Variants in HSPA12A observed in about 807,000 individuals in gnomAD.
HSPA12A encodes heat shock protein family A (Hsp70) member 12A, also known as heat shock 70 kDa protein 12A.
HSPA12A carries 28 observed loss-of-function variants against 69.2 expected under a neutral mutation model. That is an observed-to-expected ratio of 0.40 (90% confidence interval 0.30 to 0.55). The LOEUF is 0.55. Ranked by LOEUF, HSPA12A falls within the 20% of genes least tolerant of loss-of-function variation. The pLI, the probability that HSPA12A is intolerant of heterozygous loss-of-function variation, is 0.38. For missense variants in HSPA12A, 686 were observed against 900.7 expected, an observed-to-expected ratio of 0.76 and a Z score of 3.05; for synonymous variants, 345 against 370.5, an observed-to-expected ratio of 0.93 and a Z score of 0.79.
chr10:116,696,585 C>T (rs567284744), intron 5 of HSPA12A, among the ~76,000 whole-genome samples: 3 of 152,236 alleles, frequency 2.0e-5, no homozygotes, highest in South Asian at 2.1e-4. Context: ...ATCTCAGGTA[C>T]GTCTTTATTA....
chr10:116,775,505 A>C (rs2133125722), intron 2 of HSPA12A, among the ~76,000 whole-genome samples: 1 of 152,256 alleles, frequency 6.6e-6, no homozygotes, highest in Middle Eastern at 3.4e-3. Context: ...TTGACCGTGA[A>C]GTTTGTTTCC....
intron 1 of HSPA12A, among the ~76,000 whole-genome samples, chr10:116,843,917 G>A (rs1806553724): frequency 6.6e-6 from 1 of 152,190 alleles, no homozygotes; most frequent in Admixed American, 6.5e-5. Context: ...GATTCTAGTA[G>A]AAGCTAATAG....
intron 1 of HSPA12A, among the ~76,000 whole-genome samples, chr10:116,837,994 T>C (rs1845745387): frequency 6.6e-6 from 1 of 152,120 alleles, no homozygotes; most frequent in Non-Finnish European, 1.5e-5. Flanking sequence ...TTTGATAATA[T>C]AGAACTAAAT....
intron 7 of HSPA12A, among the ~76,000 whole-genome samples, chr10:116,682,873 T>C (rs1849458774): frequency 6.9e-6 from 1 of 145,974 alleles, no homozygotes; most frequent in African/African-American, 2.6e-5. Context: ...GCTAATTTTT[T>C]TTTTTTTTTT....
intron 2 of HSPA12A, chr10:116,750,431 C>A: frequency 1.6e-6 from 1 of 614,890 alleles, no homozygotes; most frequent in Non-Finnish European, 3.0e-6. Flanking sequence ...TCATGGTACC[C>A]AATGATTCCC....
chr10:116,672,102 A>G lies in HSPA12A; in HGVS notation c.*2679T>C, dbSNP rs1849100895. ...TAATGCAAGGCAGGAAAGGCTTTAC[A>G]TTAGCCCAAAAAAGAGGGGCTTGAC... On this transcript the variant is annotated 3_prime_UTR_variant, in exon 12 of 12. Transcript: ENST00000369209. The G allele has an allele frequency of 6.6e-6, 1 of 152,270 alleles. No homozygotes were observed. The highest frequency in any genetic ancestry group is 1.5e-5 in the Non-Finnish European group (1 of 68,056). The allele number at this position is 152,270 out of a possible 1,614,324, so 9.4% of individuals were successfully genotyped here. A position where few individuals can be genotyped will look rare whatever the true frequency, so the allele number is the denominator to read the frequency against.
rs189698384 is a variant in HSPA12A, at chr10:116,800,763, G to A, written c.91+34172C>T. Among the ~76,000 whole-genome samples the A allele has an allele frequency of 1.8e-3, 271 of 152,314 alleles. 3 individuals carry two copies. Among genetic ancestry groups the A allele is most frequent in the Admixed American group, 0.017 (257 of 15,302 alleles). The stretch of plus-strand genomic sequence containing the variant: ...ATGTCTGTCACCTGACAGGTCTCAA[G>A]TCTATACTAACCCCTTCTCCATTCA... On this transcript the variant is annotated intron_variant, in intron 2 of 12. Coordinates refer to the HSPA12A transcript ENST00000635765.
intron 3 of HSPA12A, among the ~76,000 whole-genome samples, chr10:116,701,499 A>G (rs543980855): frequency 3.3e-5 from 5 of 152,256 alleles, no homozygotes; most frequent in Admixed American, 6.5e-5. Context: ...TAGCAGATAT[A>G]CTGCTAGCTT....
chr10:116,789,085 C>T (rs1000585855), intron 2 of HSPA12A, among the ~76,000 whole-genome samples: 2 of 152,024 alleles, frequency 1.3e-5, no homozygotes, highest in South Asian at 4.2e-4. Context: ...AGGCTGCTCT[C>T]GAACTCCTGA....
At chr10:116,722,089 T>G (rs1399147704) in intron 1 of HSPA12A, among the ~76,000 whole-genome samples, 2 of 152,240 alleles carry the variant, frequency 1.3e-5, no homozygotes, top group Non-Finnish European at 2.9e-5. Flanking sequence ...CACAGACCTG[T>G]CCCTCCCAGG....
intron 1 of HSPA12A, among the ~76,000 whole-genome samples, chr10:116,709,211 C>T (rs1850349979): frequency 6.6e-6 from 1 of 152,158 alleles, no homozygotes; most frequent in Non-Finnish European, 1.5e-5. Flanking sequence ...CTTTGGGAGG[C>T]CAAGGTGGGC....
At position 116,707,161 on chromosome 10, in the gene HSPA12A, A is replaced by G. The variant is rs541622835; in HGVS notation, c.126+39T>C. On this transcript the variant is annotated intron_variant, in intron 2 of 11. Coordinates refer to ENST00000369209, the MANE Select transcript of HSPA12A (RefSeq NM_025015.3). ...CATGCGCACCCATGCGCGCACACACACACACACACACACACACACACACAC... is the reference window on the plus strand; with the variant it reads ...CATGCGCACCCATGCGCGCACACACGCACACACACACACACACACACACAC... The G allele has an allele frequency of 7.7e-4, 889 of 1,159,320 alleles. 2 individuals carry two copies. In the East Asian group the frequency reaches 7.8e-3, roughly 10 times the overall value. 71.8% of individuals were successfully genotyped at this position (1,159,320 alleles called of 1,614,324 possible).
intron 1 of HSPA12A, among the ~76,000 whole-genome samples, chr10:116,837,607 T>C (rs1247095264): frequency 6.6e-6 from 1 of 152,168 alleles, no homozygotes; most frequent in East Asian, 1.9e-4. Context: ...ACAACTTCCA[T>C]AGCTGAACAT....
intron 5 of HSPA12A, among the ~76,000 whole-genome samples, chr10:116,694,197 T>G (rs575105347): frequency 1.3e-5 from 2 of 152,304 alleles, no homozygotes; most frequent in South Asian, 4.1e-4. Context: ...CCATCTCATG[T>G]GTCAGGCACT....
At chr10:116,695,575 G>A (rs1162723902) in intron 5 of HSPA12A, among the ~76,000 whole-genome samples, 3 of 152,134 alleles carry the variant, frequency 2.0e-5, no homozygotes. Flanking sequence ...CCAGCACTTT[G>A]GGAGGCCGAG....
intron 1 of HSPA12A, among the ~76,000 whole-genome samples, chr10:116,720,188 T>C (rs918278987): frequency 6.6e-6 from 1 of 152,184 alleles, no homozygotes; most frequent in African/African-American, 2.4e-5. Flanking sequence ...GAAGTGCCCC[T>C]GTCCCCCTGC....
intron 2 of HSPA12A, among the ~76,000 whole-genome samples, chr10:116,787,796 C>G (rs1190147216): frequency 6.6e-6 from 1 of 152,134 alleles, no homozygotes; most frequent in Non-Finnish European, 1.5e-5. Context: ...TGCCTGGCAG[C>G]CGCTTGGCAC....
chr10:116,773,862 C>G (rs957438003), intron 2 of HSPA12A, among the ~76,000 whole-genome samples: 2 of 152,130 alleles, frequency 1.3e-5, no homozygotes, highest in South Asian at 2.1e-4. Flanking sequence ...ATCATGGTGA[C>G]GGGGTGGAGG....
intron 1 of HSPA12A, among the ~76,000 whole-genome samples, chr10:116,736,142 C>T (rs1554886405): frequency 6.6e-6 from 1 of 152,112 alleles, no homozygotes; most frequent in Non-Finnish European, 1.5e-5. Context: ...GCTTGGGAGC[C>T]AATAAACCTT....
Sources: gnomAD v4.1 joint callset for allele counts (sites outside exome capture counted in the v4.1 genomes callset) on GRCh38, gnomAD v4.1.1 for gene constraint, MANE v1.5 for transcripts, NCBI Gene and HGNC (gene_info 2026-07-23, HGNC 2026-07-21) for gene names.